Variants in SCLT1 observed in about 807,000 individuals in gnomAD.
SCLT1 encodes sodium channel and clathrin linker 1.
In SCLT1, 78 loss-of-function variants were observed where a neutral mutation model predicts 112.8. That is an observed-to-expected ratio of 0.69 (90% CI 0.58 to 0.83). The LOEUF (loss-of-function observed/expected upper bound fraction) is 0.83, where lower values mean the gene tolerates loss of function less well. SCLT1 is among the 40% of genes least tolerant of loss of function. SCLT1 has a pLI of 0.00. For synonymous variants in SCLT1, 257 were observed against 254.7 expected (o/e 1.01, Z -0.09); for missense variants, 747 against 770.4 (o/e 0.97, Z 0.36).
chr4:128,994,211 T>C (rs1742814173), intron 8 of SCLT1, among the ~76,000 whole-genome samples: 1 of 152,116 alleles, frequency 6.6e-6, no homozygotes, highest in Non-Finnish European at 1.5e-5. Flanking sequence ...GAAGTCACCA[T>C]TCCAATCTCT....
At chr4:129,063,503 C>T (rs1677983899) in intron 2 of SCLT1, among the ~76,000 whole-genome samples, 1 of 152,158 alleles carries the variant, frequency 6.6e-6, no homozygotes, top group South Asian at 2.1e-4. Flanking sequence ...TTCTCTAAAT[C>T]CCAAAGAGTT....
chr4:129,083,332 A>G (rs983472150), intron 1 of SCLT1, among the ~76,000 whole-genome samples: 2 of 152,188 alleles, frequency 1.3e-5, no homozygotes, highest in African/African-American at 4.8e-5. Flanking sequence ...TCAAGATCAC[A>G]CAGAACATTT....
chr4:128,913,543 TAA>T (rs1322680731), intron 18 of SCLT1, among the ~76,000 whole-genome samples: 1 of 152,138 alleles, frequency 6.6e-6, no homozygotes. Context: ...GTCATGAATT[TAA>T]AGTGAGACAA....
intron 9 of SCLT1, chr4:128,971,267 G>A (rs1266517433): frequency 6.6e-6 from 1 of 152,122 alleles, no homozygotes; most frequent in Non-Finnish European, 1.5e-5. Flanking sequence ...TTTTATGTAT[G>A]TATCTAAATG....
At chr4:128,956,976 TTTAG>T in intron 13 of SCLT1, 46 bp downstream of exon 13, 1 of 998,050 alleles carries the variant, frequency 1.0e-6, no homozygotes, top group Non-Finnish European at 1.5e-6. Context: ...GAATTTAGTC[TTTAG>T]TTGTGACTTA....
chr4:128,982,497 G>A (rs1741746475), intron 9 of SCLT1, among the ~76,000 whole-genome samples: 1 of 152,050 alleles, frequency 6.6e-6, no homozygotes, highest in African/African-American at 2.4e-5. Flanking sequence ...AGTCCTTAGT[G>A]GCTAAGTTAT....
At chr4:128,962,207 C>A (rs1318074454) in intron 11 of SCLT1, among the ~76,000 whole-genome samples, 1 of 152,094 alleles carries the variant, frequency 6.6e-6, no homozygotes, top group South Asian at 2.1e-4. Context: ...AGTTTTTATG[C>A]TATTAGCATT....
chr4:128,994,331 T>G (rs1156951597), intron 8 of SCLT1, among the ~76,000 whole-genome samples: 2 of 152,176 alleles, frequency 1.3e-5, no homozygotes, highest in African/African-American at 4.8e-5. Context: ...TTTATTCATG[T>G]TATCACATAT....
rs200292849 is a variant in SCLT1 at position 129,074,302 on chromosome 4, C to G, written c.102+8004G>C. ...AGCTGAATTATGTGAAAACACTGTT[C>G]AAAAACTATTTTCTAATAACAATTG... On this transcript the variant is annotated intron_variant, in intron 2 of 20. Coordinates refer to ENST00000281142, the MANE Select transcript of SCLT1 (RefSeq NM_144643.4). Among the ~76,000 whole-genome samples, 4 of 152,068 alleles carry G rather than the reference C, an allele frequency of 2.6e-5. No homozygotes were observed. In the East Asian group the frequency reaches 7.7e-4, roughly 29 times the overall value.
chr4:128,892,565 C>G (rs957329415), intron 18 of SCLT1, among the ~76,000 whole-genome samples: 1 of 152,064 alleles, frequency 6.6e-6, no homozygotes, highest in Non-Finnish European at 1.5e-5. Context: ...TGGTAAGCCT[C>G]TCAAGTATCC....
intron 1 of SCLT1, among the ~76,000 whole-genome samples, chr4:129,085,174 G>GA (rs1190105882): frequency 6.6e-6 from 1 of 151,828 alleles, no homozygotes; most frequent in East Asian, 1.9e-4. Context: ...AAATTTACAA[G>GA]AAAAAAATCC....
At chr4:128,885,587 A>T (rs1221948643) in intron 20 of SCLT1, among the ~76,000 whole-genome samples, 1 of 152,104 alleles carries the variant, frequency 6.6e-6, no homozygotes, top group African/African-American at 2.4e-5. Context: ...ATTGTTGGGT[A>T]TTTGTATGGT....
chr4:129,006,076 T>C (rs1743984383), intron 5 of SCLT1, among the ~76,000 whole-genome samples: 1 of 149,080 alleles, frequency 6.7e-6, no homozygotes, highest in South Asian at 2.2e-4. Flanking sequence ...AAATGACAAG[T>C]TAATGGGTGC....
At chr4:128,899,323 A>C (rs11731686) in intron 18 of SCLT1, among the ~76,000 whole-genome samples, 1 of 152,182 alleles carries the variant, frequency 6.6e-6, no homozygotes, top group Non-Finnish European at 1.5e-5. Flanking sequence ...AAGCTTATCC[A>C]CCATGATCAA....
At chr4:129,029,374 G>GTAGAGA (rs1746474350) in intron 5 of SCLT1, among the ~76,000 whole-genome samples, 1 of 152,046 alleles carries the variant, frequency 6.6e-6, no homozygotes, top group African/African-American at 2.4e-5. Context: ...CATGTCCTTT[G>GTAGAGA]TAGAGACATG....
At chr4:129,040,958 G>T (rs1747648532) in intron 4 of SCLT1, among the ~76,000 whole-genome samples, 1 of 152,050 alleles carries the variant, frequency 6.6e-6, no homozygotes, top group South Asian at 2.1e-4. Context: ...TGGCGGTAAA[G>T]AATGCAAAAT....
At chr4:128,996,404 C>A (rs566503780) in intron 8 of SCLT1, among the ~76,000 whole-genome samples, 1 of 152,210 alleles carries the variant, frequency 6.6e-6, no homozygotes, top group Admixed American at 6.5e-5. Context: ...CTATAAAAAT[C>A]TATTCATTTA....
At chr4:128,943,722 T>A (rs188551908) in intron 16 of SCLT1, among the ~76,000 whole-genome samples, 5 of 152,192 alleles carry the variant, frequency 3.3e-5, no homozygotes, top group Admixed American at 3.3e-4. Flanking sequence ...TTTCCTGAAC[T>A]GTCTCAACAA....
chr4:128,886,703 T>G (rs185333167), intron 20 of SCLT1, among the ~76,000 whole-genome samples: 1 of 152,236 alleles, frequency 6.6e-6, no homozygotes, highest in East Asian at 1.9e-4. Context: ...CAAAACATTT[T>G]AAAAAGGTTA....
Sources: gnomAD v4.1 joint callset for allele counts (sites outside exome capture counted in the v4.1 genomes callset) on GRCh38, gnomAD v4.1.1 for gene constraint, MANE v1.5 for transcripts, NCBI Gene and HGNC (gene_info 2026-07-23, HGNC 2026-07-21) for gene names.